NRXN1: variants seen among roughly 807,000 people sequenced by gnomAD.
The protein encoded by NRXN1 is neurexin-1.
NRXN1 carries 39 observed loss-of-function variants against 150.9 expected under a neutral mutation model. The observed-to-expected ratio is 0.26, with a 90% confidence interval of 0.20 to 0.34. NRXN1 has a LOEUF of 0.34. Ranked by LOEUF, NRXN1 falls within the 10% of genes least tolerant of loss-of-function variation. The pLI is 1.00. For synonymous variants in NRXN1, 924 were observed against 757.0 expected (o/e 1.22, Z -3.62); for missense variants, 1,815 against 1,949.9 (o/e 0.93, Z 1.30).
chr2:49,941,002 G>A (rs1671879365), intron 22 of NRXN1, among the ~76,000 whole-genome samples: 1 of 152,130 alleles, frequency 6.6e-6, no homozygotes, highest in Non-Finnish European at 1.5e-5. Context: ...GAGTGTTAAA[G>A]TAGCTGTCGT....
intron 17 of NRXN1, among the ~76,000 whole-genome samples, chr2:50,338,202 C>A (rs543607081): frequency 1.3e-5 from 2 of 152,208 alleles, no homozygotes; most frequent in Non-Finnish European, 2.9e-5. Context: ...ATCCACGTGA[C>A]AAATGACTGA....
chr2:49,968,671 A>C (rs951811778), intron 21 of NRXN1, among the ~76,000 whole-genome samples: 2 of 152,146 alleles, frequency 1.3e-5, no homozygotes, highest in African/African-American at 4.8e-5. Flanking sequence ...CACAGGAAAC[A>C]TACAGCGAAA....
intron 17 of NRXN1, among the ~76,000 whole-genome samples, chr2:50,350,524 G>A (rs953089489): frequency 1.3e-5 from 2 of 152,156 alleles, no homozygotes; most frequent in Admixed American, 6.5e-5. Flanking sequence ...CATTCTCTGC[G>A]TGTTTGCTAA....
chr2:50,026,438 G>C (rs985765426), intron 21 of NRXN1, among the ~76,000 whole-genome samples: 1 of 152,118 alleles, frequency 6.6e-6, no homozygotes, highest in African/African-American at 2.4e-5. Context: ...GCTCAAAATA[G>C]CCATTTCCTT....
intron 17 of NRXN1, among the ~76,000 whole-genome samples, chr2:50,297,986 T>A (rs774087510): frequency 5.9e-5 from 9 of 152,178 alleles, no homozygotes; most frequent in Non-Finnish European, 1.3e-4. Context: ...TGTATCCTCC[T>A]TACCTTCCTC....
At chr2:50,954,305 G>C (rs1480009486) in intron 2 of NRXN1, among the ~76,000 whole-genome samples, 1 of 152,166 alleles carries the variant, frequency 6.6e-6, no homozygotes, top group Non-Finnish European at 1.5e-5. Flanking sequence ...TATTCAACCA[G>C]TTCTTTTGAA....
At chr2:50,373,207 A>T (rs1572719683) in intron 17 of NRXN1, among the ~76,000 whole-genome samples, 1 of 151,572 alleles carries the variant, frequency 6.6e-6, no homozygotes, top group East Asian at 1.9e-4. Flanking sequence ...CACCCCAAGG[A>T]GGAGTTAATA....
At chr2:50,748,067 A>G (rs1227522972) in intron 5 of NRXN1, among the ~76,000 whole-genome samples, 1 of 152,168 alleles carries the variant, frequency 6.6e-6, no homozygotes, top group Non-Finnish European at 1.5e-5. Context: ...TTAGTATTCA[A>G]AACAACATCA....
intron 2 of NRXN1, among the ~76,000 whole-genome samples, chr2:51,020,192 A>G (rs1669375060): frequency 6.6e-6 from 1 of 151,838 alleles, no homozygotes; most frequent in Admixed American, 6.6e-5. Flanking sequence ...GTCCTCTTCT[A>G]GTCAAGACCA....
intron 18 of NRXN1, among the ~76,000 whole-genome samples, chr2:50,234,355 G>C (rs971712850): frequency 6.6e-6 from 1 of 152,004 alleles, no homozygotes; most frequent in Non-Finnish European, 1.5e-5. Context: ...TTAGCTGGGC[G>C]TGGTGGTGGG....
chr2:50,250,150 A>G (rs1172647803), intron 17 of NRXN1, among the ~76,000 whole-genome samples: 4 of 152,150 alleles, frequency 2.6e-5, no homozygotes, highest in Non-Finnish European at 5.9e-5. Flanking sequence ...CTCTATTCAA[A>G]GACCTTCAAT....
intron 2 of NRXN1, among the ~76,000 whole-genome samples, chr2:50,952,591 T>C (rs777935928): frequency 1.3e-5 from 2 of 152,036 alleles, no homozygotes; most frequent in Non-Finnish European, 2.9e-5. Flanking sequence ...TACCACGGAG[T>C]TCTTATTTTC....
intron 18 of NRXN1, among the ~76,000 whole-genome samples, chr2:50,211,617 T>C (rs748929561): frequency 2.4e-4 from 37 of 151,556 alleles, no homozygotes; most frequent in Non-Finnish European, 4.3e-4. Context: ...GCATTTCATA[T>C]AGGTAAACTT....
At chr2:50,574,767 G>A (rs1436243315) in intron 8 of NRXN1, among the ~76,000 whole-genome samples, 1 of 152,206 alleles carries the variant, frequency 6.6e-6, no homozygotes, top group Non-Finnish European at 1.5e-5. Context: ...TACTTAAGAA[G>A]TGATGACAGC....
At chr2:50,031,914 G>C (rs910469017) in intron 21 of NRXN1, among the ~76,000 whole-genome samples, 4 of 152,012 alleles carry the variant, frequency 2.6e-5, no homozygotes, top group Non-Finnish European at 5.9e-5. Flanking sequence ...TAATGAATGT[G>C]TCTGGCCTTT....
chr2:50,447,775 ATATAC>A, intron 17 of NRXN1, among the ~76,000 whole-genome samples: 1 of 113,464 alleles, frequency 8.8e-6, no homozygotes, highest in Non-Finnish European at 1.8e-5. Flanking sequence ...ATATATATAT[ATATAC>A]CTAATTCCCT....
intron 8 of NRXN1, among the ~76,000 whole-genome samples, chr2:50,607,901 C>T (rs1226405354): frequency 6.6e-6 from 1 of 151,988 alleles, no homozygotes; most frequent in African/African-American, 2.4e-5. Context: ...GCAGCTGCTC[C>T]TAATTTGGAT....
intron 10 of NRXN1, among the ~76,000 whole-genome samples, chr2:50,536,913 G>A (rs1267061655): frequency 1.3e-5 from 2 of 152,154 alleles, no homozygotes; most frequent in Non-Finnish European, 2.9e-5. Flanking sequence ...CTATCATAAA[G>A]AGAATGAATA....
chr2:50,224,998 C>G (rs568637985), intron 18 of NRXN1, among the ~76,000 whole-genome samples: 1 of 151,924 alleles, frequency 6.6e-6, no homozygotes, highest in African/African-American at 2.4e-5. Context: ...GAAGGTGGAG[C>G]TAGCCATTAA....
Sources: allele counts gnomAD v4.1 joint callset (sites outside exome capture counted in the v4.1 genomes callset), GRCh38; gene constraint gnomAD v4.1.1; transcripts MANE v1.5; gene names NCBI Gene and HGNC (gene_info 2026-07-23, HGNC 2026-07-21).